OLFML2B: variants seen among roughly 807,000 people sequenced by gnomAD.
The protein encoded by OLFML2B is olfactomedin-like protein 2B.
Under a neutral mutation model 74.9 loss-of-function variants are expected in OLFML2B, and 57 were observed. That is an observed-to-expected ratio of 0.76 (90% CI 0.61 to 0.95). The LOEUF is 0.95. Among genes scored for constraint, OLFML2B ranks in the 40% least tolerant of loss-of-function variants. OLFML2B has a pLI of 0.00. For missense variants in OLFML2B, 986 were observed against 970.6 expected (o/e 1.02, Z -0.21); for synonymous variants, 388 against 405.8 (o/e 0.96, Z 0.53).
At chr1:161,985,623 T>C (rs930213851) in intron 6 of OLFML2B, among the ~76,000 whole-genome samples, 2 of 152,170 alleles carry the variant, frequency 1.3e-5, no homozygotes, top group African/African-American at 4.8e-5. Flanking sequence ...GCTGCTGAGC[T>C]GCCCCAGGCT....
intron 3 of OLFML2B, among the ~76,000 whole-genome samples, chr1:162,007,140 T>A (rs1459565520): frequency 6.6e-6 from 1 of 152,250 alleles, no homozygotes; most frequent in East Asian, 1.9e-4. Context: ...AGATCAAGGC[T>A]ACATTTCATT....
chr1:162,020,987 C>A (rs1690688806), intron 1 of OLFML2B, among the ~76,000 whole-genome samples: 1 of 152,218 alleles, frequency 6.6e-6, no homozygotes, highest in Non-Finnish European at 1.5e-5. Flanking sequence ...GATGGAGAGC[C>A]TGCTCTCAAG....
At chr1:161,999,780 C>G (rs1459981805) in intron 5 of OLFML2B, among the ~76,000 whole-genome samples, 2 of 152,210 alleles carry the variant, frequency 1.3e-5, no homozygotes, top group Non-Finnish European at 2.9e-5. Context: ...AGAAGCCCAC[C>G]TTGTGGCTCT....
intron 3 of OLFML2B, 94 bp downstream of exon 3, chr1:162,017,306 C>T: frequency 3.4e-6 from 3 of 874,388 alleles, no homozygotes; most frequent in African/African-American, 1.7e-5. Flanking sequence ...TAAGTCTAGT[C>T]AGCACATGTG....
chr1:161,987,473 T>A (rs1380774270), intron 6 of OLFML2B, among the ~76,000 whole-genome samples: 1 of 151,862 alleles, frequency 6.6e-6, no homozygotes, highest in Non-Finnish European at 1.5e-5. Flanking sequence ...GGAAGCAATG[T>A]GATGAAAAAA....
At chr1:162,005,902 C>CAAAAAAA (rs71093139) in intron 4 of OLFML2B, among the ~76,000 whole-genome samples, 1 of 77,878 alleles carries the variant, frequency 1.3e-5, no homozygotes, top group African/African-American at 3.4e-5. Flanking sequence ...TGGAACCTAT[C>CAAAAAAA]AAAAAAAAAA....
At chr1:161,995,744 C>G (rs1304568106) in intron 6 of OLFML2B, among the ~76,000 whole-genome samples, 1 of 152,220 alleles carries the variant, frequency 6.6e-6, no homozygotes, top group Non-Finnish European at 1.5e-5. Flanking sequence ...TGCAGCCTGT[C>G]TTCACTGTTA....
chr1:162,002,093 A>G (rs1690095508), intron 4 of OLFML2B, among the ~76,000 whole-genome samples: 1 of 152,180 alleles, frequency 6.6e-6, no homozygotes, highest in African/African-American at 2.4e-5. Flanking sequence ...CAGGATTATA[A>G]TCACCCACCT....
At position 162,004,671 on chromosome 1, in the gene OLFML2B, A is replaced by G. The variant is rs114102151; in HGVS notation, c.723+1626T>C. Among the ~76,000 whole-genome samples the G allele has an allele frequency of 5.4e-3, 826 of 152,154 alleles. 13 individuals carry two copies. Among genetic ancestry groups the G allele is most frequent in the African/African-American group, 0.019 (794 of 41,474 alleles). The stretch of plus-strand genomic sequence containing the variant: ...CCCTACCCAAGAGTTTCAAGCCCAC[A>G]CACCCAGACTTCCTGCCTCTCTTAT... On this transcript the variant is annotated intron_variant, in intron 4 of 7. Transcript: ENST00000294794.
chr1:161,991,388 C>T (rs1391001250), intron 6 of OLFML2B, among the ~76,000 whole-genome samples: 1 of 152,332 alleles, frequency 6.6e-6, no homozygotes, highest in East Asian at 1.9e-4. Context: ...TGCACATCTC[C>T]ATGAGAGCTT....
At chr1:162,017,365 C>T (rs925348398) in intron 3 of OLFML2B, 35 bp downstream of exon 3, 13 of 1,543,134 alleles carry the variant, frequency 8.4e-6, no homozygotes, top group Non-Finnish European at 1.1e-5. Flanking sequence ...TGGGCTCAAT[C>T]AAGAAAAAGA....
chr1:162,000,433 A>C, intron 4 of OLFML2B, 95 bp from the exon 5 acceptor site: 1 of 918,280 alleles, frequency 1.1e-6, no homozygotes, highest in Non-Finnish European at 1.7e-6. Context: ...CTGTGCTAAT[A>C]ACAGCAGCAC....
intron 3 of OLFML2B, among the ~76,000 whole-genome samples, chr1:162,007,837 C>A (rs1407395154): frequency 6.6e-6 from 1 of 152,194 alleles, no homozygotes; most frequent in Non-Finnish European, 1.5e-5. Flanking sequence ...GAACCATCAG[C>A]CATGCCATTC....
chr1:162,005,481 A>G (rs952783351), intron 4 of OLFML2B, among the ~76,000 whole-genome samples: 3 of 152,242 alleles, frequency 2.0e-5, no homozygotes, highest in African/African-American at 7.2e-5. Flanking sequence ...CGACAGCCAC[A>G]TGGTATAGTT....
At chr1:162,019,133 C>T (rs1558069363) in intron 2 of OLFML2B, among the ~76,000 whole-genome samples, 2 of 152,206 alleles carry the variant, frequency 1.3e-5, no homozygotes, top group African/African-American at 2.4e-5. Context: ...ATGCCAGCAG[C>T]GCTTTACATA....
chr1:162,012,581 T>C (rs1293300488), intron 3 of OLFML2B, among the ~76,000 whole-genome samples: 2 of 152,192 alleles, frequency 1.3e-5, no homozygotes, highest in Admixed American at 6.5e-5. Flanking sequence ...TCGTGCCATC[T>C]ATGCTCATGG....
intron 1 of OLFML2B, among the ~76,000 whole-genome samples, 196 bp from the exon 2 acceptor site, chr1:162,020,378 C>G (rs761630125): frequency 6.6e-6 from 1 of 152,226 alleles, no homozygotes; most frequent in East Asian, 1.9e-4. Flanking sequence ...CAGAGTTCAG[C>G]TCTCTTCGTT....
chr1:162,017,321 C>T, intron 3 of OLFML2B, 79 bp downstream of exon 3: 1 of 1,052,164 alleles, frequency 9.5e-7, no homozygotes, highest in Non-Finnish European at 1.5e-6. Context: ...CATGTGCTAG[C>T]TGAAAATTTA....
chr1:162,023,315 G>A lies in OLFML2B; in HGVS notation c.116C>T (p.Pro39Leu). ...GTTTTGCAGAGTCTCGTCCTCCGCAGGCGCCACTGTCTGCGCATCTGGGGG... is the reference window on the plus strand; with the variant it reads ...GTTTTGCAGAGTCTCGTCCTCCGCAAGCGCCACTGTCTGCGCATCTGGGGG... ...SEPPDAQTVA[P>L]AEDETLQNEA... Residue 39 changes from proline to leucine, a missense_variant, in exon 1 of 8, where the codon CCT becomes CTT. Transcript: ENST00000294794. 6.2e-7 allele frequency: 1 copy of A among 1,606,190 alleles called. No individual in the cohort carries two copies. The highest frequency in any genetic ancestry group is 1.1e-5 in the South Asian group (1 of 90,468).
Sources: allele counts gnomAD v4.1 joint callset (sites outside exome capture counted in the v4.1 genomes callset), GRCh38; gene constraint gnomAD v4.1.1; transcripts MANE v1.5; gene names NCBI Gene and HGNC (gene_info 2026-07-23, HGNC 2026-07-21).